FAM114A1: variants seen among roughly 807,000 people sequenced by gnomAD.
The protein encoded by FAM114A1 is family with sequence similarity 114 member A1, also known as protein NOXP20.
Under a neutral mutation model 64.3 loss-of-function variants are expected in FAM114A1, and 62 were observed. The ratio of observed to expected loss-of-function variants is 0.96; its 90% CI spans 0.79 to 1.19. The LOEUF is 1.19. Among genes scored for constraint, FAM114A1 ranks in the 50% most tolerant of loss-of-function variants. The probability of loss-of-function intolerance (pLI) is 0.00; values close to 1 mark genes in which losing one functional copy is unlikely to be tolerated. For missense variants in FAM114A1, 645 were observed against 676.3 expected (o/e 0.95, Z 0.51); for synonymous variants, 254 against 251.1 (o/e 1.01, Z -0.11).
chr4:38,929,655 T>A (rs1295487213), intron 10 of FAM114A1, among the ~76,000 whole-genome samples: 1 of 152,212 alleles, frequency 6.6e-6, no homozygotes, highest in Non-Finnish European at 1.5e-5. Context: ...CGCATGCCTG[T>A]AATCCCAGCT....
intron 4 of FAM114A1, among the ~76,000 whole-genome samples, chr4:38,900,298 G>A (rs1717393472): frequency 1.3e-5 from 2 of 151,856 alleles, no homozygotes; most frequent in Non-Finnish European, 2.9e-5. Flanking sequence ...TCTTGGTGGG[G>A]TTATAAAATG....
chr4:38,923,682 A>G (rs1246991928), intron 9 of FAM114A1, among the ~76,000 whole-genome samples: 9 of 152,166 alleles, frequency 5.9e-5, no homozygotes, highest in Admixed American at 5.9e-4. Context: ...CCTACGCTCT[A>G]CCTAAAAAGT....
At chr4:38,934,860 A>C (rs1347086621) in intron 12 of FAM114A1, among the ~76,000 whole-genome samples, 1 of 152,038 alleles carries the variant, frequency 6.6e-6, no homozygotes, top group Non-Finnish European at 1.5e-5. Flanking sequence ...ATCCAGAGAC[A>C]CCTGAGTTTG....
intron 4 of FAM114A1, among the ~76,000 whole-genome samples, chr4:38,899,332 C>T (rs187811243): frequency 1.3e-5 from 2 of 152,230 alleles, no homozygotes; most frequent in Non-Finnish European, 2.9e-5. Context: ...TTCCATTAAT[C>T]CACAGCACCG....
intron 5 of FAM114A1, 49 bp downstream of exon 5, chr4:38,905,684 T>A (rs745785618): frequency 6.2e-7 from 1 of 1,607,736 alleles, no homozygotes; most frequent in Admixed American, 1.7e-5. Context: ...TTACACCATG[T>A]GCATAATCAG....
intron 7 of FAM114A1, 36 bp from the exon 8 acceptor site, chr4:38,914,885 G>A (rs2109719280): frequency 6.3e-7 from 1 of 1,598,008 alleles, no homozygotes; most frequent in Non-Finnish European, 8.6e-7. Flanking sequence ...GCTTTTAAAT[G>A]TACATCCAGA....
chr4:38,939,636 T>A (rs1303776812), intron 13 of FAM114A1, among the ~76,000 whole-genome samples: 2 of 152,216 alleles, frequency 1.3e-5, no homozygotes, highest in Non-Finnish European at 2.9e-5. Flanking sequence ...TCACCCTCAG[T>A]AGAGTAACGT....
chr4:38,931,401 G>A lies in FAM114A1; in HGVS notation c.1162-50G>A, dbSNP rs187734667. ...CTAGTCTTGGGGTTGGAATGACTTA[G>A]TTTCCATATTTGCGCCATAAAAGGA... On this transcript the variant is annotated intron_variant, in intron 10 of 14. Transcript: ENST00000358869. 178 of 1,554,078 alleles carry A rather than the reference G, an allele frequency of 1.1e-4. 1 individual carries two copies. In the East Asian group the frequency reaches 3.9e-3, roughly 34 times the overall value.
intron 2 of FAM114A1, among the ~76,000 whole-genome samples, chr4:38,873,305 GGT>G (rs1714270009): frequency 6.6e-6 from 1 of 152,138 alleles, no homozygotes; most frequent in Non-Finnish European, 1.5e-5. Flanking sequence ...TTAACTGGGA[GGT>G]GAAGGAAAAA....
chr4:38,882,365 C>CA (rs1235703065), intron 3 of FAM114A1, among the ~76,000 whole-genome samples: 1 of 149,442 alleles, frequency 6.7e-6, no homozygotes, highest in Non-Finnish European at 1.5e-5. Flanking sequence ...TGCAGTGGCT[C>CA]ACACCTGTAA....
chr4:38,896,486 G>T (rs963608583), intron 4 of FAM114A1, among the ~76,000 whole-genome samples: 1 of 152,218 alleles, frequency 6.6e-6, no homozygotes, highest in African/African-American at 2.4e-5. Flanking sequence ...TGGGTTCCCA[G>T]GCTGGAAACA....
At chr4:38,936,098 GT>G (rs1369334534) in intron 13 of FAM114A1, among the ~76,000 whole-genome samples, 44 of 140,260 alleles carry the variant, frequency 3.1e-4, no homozygotes, top group South Asian at 4.4e-4. Context: ...TGTTTTTTTT[GT>G]TTTTTTTTTT....
At chr4:38,941,912 C>T (rs916195085) in intron 14 of FAM114A1, among the ~76,000 whole-genome samples, 1 of 152,166 alleles carries the variant, frequency 6.6e-6, no homozygotes, top group Non-Finnish European at 1.5e-5. Context: ...TAAAGACATA[C>T]CTGAGACTGG....
Position 38,914,888 on chromosome 4 carries a change from C to T in FAM114A1, c.793-33C>T, listed in dbSNP as rs761378449. ...ACAGGAAACGGTGCTTTTAAATGTA[C>T]ATCCAGAGTACAAACATTGTGTATT... On this transcript the variant is annotated intron_variant, in intron 7 of 14. Coordinates refer to ENST00000358869, the MANE Select transcript of FAM114A1 (RefSeq NM_138389.4). 1.9e-6 allele frequency: 3 copies of T among 1,600,188 alleles called. No homozygotes were observed. The South Asian group carries it at 3.3e-5, about 18-fold the overall frequency.
chr4:38,919,851 T>A (rs1197481080), intron 8 of FAM114A1, among the ~76,000 whole-genome samples: 1 of 152,222 alleles, frequency 6.6e-6, no homozygotes, highest in Admixed American at 6.5e-5. Flanking sequence ...GTTACTATTT[T>A]ACTAGATTGA....
At chr4:38,871,076 T>C (rs1714021044) in intron 2 of FAM114A1, among the ~76,000 whole-genome samples, 1 of 148,196 alleles carries the variant, frequency 6.7e-6, no homozygotes, top group Non-Finnish European at 1.5e-5. Flanking sequence ...TGGCTTTCTT[T>C]TTTTTCTTTC....
intron 4 of FAM114A1, among the ~76,000 whole-genome samples, chr4:38,903,361 T>A (rs894021821): frequency 2.7e-4 from 41 of 152,330 alleles, no homozygotes; most frequent in South Asian, 1.2e-3. Flanking sequence ...AGATACTGAA[T>A]ATGAGTTTCA....
At chr4:38,881,402 A>G (rs1715259478) in intron 3 of FAM114A1, among the ~76,000 whole-genome samples, 1 of 152,112 alleles carries the variant, frequency 6.6e-6, no homozygotes, top group Non-Finnish European at 1.5e-5. Flanking sequence ...AGAAATTCCT[A>G]ATAATAGAGC....
At chr4:38,932,133 G>C (rs913477921) in intron 11 of FAM114A1, 102 bp from the exon 12 acceptor site, 1 of 1,269,712 alleles carries the variant, frequency 7.9e-7, no homozygotes, top group Non-Finnish European at 1.1e-6. Flanking sequence ...GGTTATATTT[G>C]GGGTATTTTT....
Sources: allele counts gnomAD v4.1 joint callset (sites outside exome capture counted in the v4.1 genomes callset), GRCh38; gene constraint gnomAD v4.1.1; transcripts MANE v1.5; gene names NCBI Gene and HGNC (gene_info 2026-07-23, HGNC 2026-07-21).